Variants in RASA3 observed in about 807,000 individuals in gnomAD.
RASA3 encodes RAS p21 protein activator 3.
RASA3 carries 73 observed loss-of-function variants against 110.0 expected under a neutral mutation model. The observed-to-expected ratio is 0.66, with a 90% CI of 0.55 to 0.81. The LOEUF is 0.81. RASA3 is among the 30% of genes least tolerant of loss of function. RASA3 has a pLI of 0.00. For synonymous variants in RASA3, 500 were observed against 451.4 expected (o/e 1.11, Z -1.37); for missense variants, 976 against 1,113.2 (o/e 0.88, Z 1.75).
At chr13:114,098,280 G>A (rs1427393114) in intron 1 of RASA3, among the ~76,000 whole-genome samples, 2 of 152,196 alleles carry the variant, frequency 1.3e-5, no homozygotes, top group Non-Finnish European at 2.9e-5. Flanking sequence ...CTCTACCCTG[G>A]GGGCAGAGCT....
At chr13:114,055,148 G>A (rs1014921328) in intron 2 of RASA3, among the ~76,000 whole-genome samples, 1 of 152,102 alleles carries the variant, frequency 6.6e-6, no homozygotes, top group African/African-American at 2.4e-5. Context: ...GTGCATGTGT[G>A]TGCCCACAGG....
In RASA3 at chr13:113,996,454, G is replaced by A. The variant is rs140954890; in HGVS notation, c.2141+77C>T. ...GCTTACAGGCAGGCATGCACTGTCT[G>A]CTGGTCCCTCCCTACTCAGCCCCTT... On this transcript the variant is annotated intron_variant, in intron 21 of 23. Coordinates refer to ENST00000334062, the MANE Select transcript of RASA3 (RefSeq NM_007368.4). The A allele has an allele frequency of 3.5e-4, 499 of 1,409,330 alleles. 5 individuals are homozygous for A. The East Asian group carries it at 9.8e-3, about 28-fold the overall frequency. 87.3% of individuals were successfully genotyped at this position (1,409,330 alleles called of 1,614,324 possible).
chr13:114,003,995 C>T (rs1272907782), intron 18 of RASA3, among the ~76,000 whole-genome samples: 1 of 152,190 alleles, frequency 6.6e-6, no homozygotes, highest in East Asian at 1.9e-4. Flanking sequence ...TGTCTAAATG[C>T]TAATTTTTCC....
intron 3 of RASA3, among the ~76,000 whole-genome samples, chr13:114,043,819 G>A (rs1351966665): frequency 7.0e-6 from 1 of 142,438 alleles, no homozygotes; most frequent in African/African-American, 2.6e-5. Context: ...CCTCCGCCTG[G>A]CCCACCTCAC....
intron 4 of RASA3, among the ~76,000 whole-genome samples, chr13:114,039,338 C>G (rs2054346428): frequency 6.8e-6 from 1 of 147,340 alleles, no homozygotes; most frequent in Non-Finnish European, 1.5e-5. Flanking sequence ...GGACGCTGTG[C>G]AGCAACCCTA....
intron 20 of RASA3, among the ~76,000 whole-genome samples, chr13:113,998,275 C>A (rs1000408532): frequency 1.7e-4 from 26 of 152,178 alleles, no homozygotes; most frequent in African/African-American, 5.8e-4. Context: ...CTTCCCAACC[C>A]TTCTCTTCCC....
rs115029471 is a variant in RASA3 at position 114,002,549 on chromosome 13, G to A, written c.1743-1617C>T. Among the ~76,000 whole-genome samples, 1,305 of 152,312 alleles carry A rather than the reference G, an allele frequency of 8.6e-3. 23 individuals carry two copies. The highest frequency in any genetic ancestry group is 0.029 in the African/African-American group (1,225 of 41,564). On this transcript the variant is annotated intron_variant, in intron 18 of 23. Transcript: ENST00000334062. ...CCGGCCTCCTTGAGGGCAACAGGGCGCCTCTGAGAAGACTCTGGACCATGT... is the reference window on the plus strand; with the variant it reads ...CCGGCCTCCTTGAGGGCAACAGGGCACCTCTGAGAAGACTCTGGACCATGT...
Position 114,056,672 on chromosome 13 carries a change from T to C in RASA3, c.174-4517A>G, listed in dbSNP as rs905564946. ...TGGTGCTGACAGCTGTCCGTGGAAA[T>C]TGAGGTGCTTAAAATTCATAAATAA... On this transcript the variant is annotated intron_variant, in intron 2 of 23. Transcript: ENST00000334062. This position sits in a 1 kb window ranked among gnomAD's most constrained non-coding sequence, Gnocchi z 5.7. 19 of 984,804 alleles carry C rather than the reference T, an allele frequency of 1.9e-5. No individual in the cohort carries two copies. Among genetic ancestry groups the C allele is most frequent in the African/African-American group, 8.8e-5 (5 of 57,090 alleles). The allele number at this position is 984,804 out of a possible 1,614,324, so 61.0% of individuals were successfully genotyped here. A position where few individuals can be genotyped will look rare whatever the true frequency, so the allele number is the denominator to read the frequency against.
Position 113,996,598 on chromosome 13 carries a change from G to A in RASA3, c.2074C>T (p.Leu692=). ...CTACAGCACAGCCAGTGGCCGCTCA[G>A]GTAGGCGGACGGGTGGTAGACGGTG... ...RLTVYHPSAY[L]SGHWLCCRAP... Residue 692 remains leucine, a synonymous_variant, in exon 21 of 24, where the codon CTG becomes TTG. Transcript: ENST00000334062. 1 of 1,613,646 alleles carries A rather than the reference G, an allele frequency of 6.2e-7. No individual in the cohort carries two copies. The highest frequency in any genetic ancestry group is 2.2e-5 in the East Asian group (1 of 44,880).
At chr13:114,027,623 A>T (rs1258028959) in intron 6 of RASA3, among the ~76,000 whole-genome samples, 162 bp from the exon 7 acceptor site, 1 of 152,194 alleles carries the variant, frequency 6.6e-6, no homozygotes, top group Non-Finnish European at 1.5e-5. Context: ...CAAATCAGGA[A>T]CCTTTACTCA....
In RASA3 at chr13:114,112,101, C is replaced by T. The variant is rs965027178; in HGVS notation, c.55+20334G>A. Among the ~76,000 whole-genome samples the T allele has an allele frequency of 1.4e-4, 21 of 151,662 alleles. No homozygotes were observed. The highest frequency in any genetic ancestry group is 2.7e-4 in the Non-Finnish European group (18 of 67,876). On this transcript the variant is annotated intron_variant, in intron 1 of 23. Transcript: ENST00000334062. This position sits in a 1 kb window ranked among gnomAD's most constrained non-coding sequence, Gnocchi z 4.8. ...CCTGGAAACAGCAGCCCCCAGGCAC[C>T]CCCCCCAGCAACTGGGACAAGGGCA...
At position 113,981,584 on chromosome 13, in the gene RASA3, C is replaced by G. The variant is rs548753547; in HGVS notation, c.2429+91G>C. The stretch of plus-strand genomic sequence containing the variant: ...AGGCGGACACCTGAGCACGGGCGGC[C>G]CCACCCGGGAGCTCCCTGCAGCCCC... On this transcript the variant is annotated intron_variant, in intron 23 of 23. Coordinates refer to ENST00000334062, the MANE Select transcript of RASA3 (RefSeq NM_007368.4). The G allele has an allele frequency of 2.1e-6, 3 of 1,453,152 alleles. No homozygotes were observed. The East Asian group carries it at 6.9e-5, about 33-fold the overall frequency. 90.0% of individuals were successfully genotyped at this position (1,453,152 alleles called of 1,614,324 possible). A position where few individuals can be genotyped will look rare whatever the true frequency, so the allele number is the denominator to read the frequency against.
intron 19 of RASA3, among the ~76,000 whole-genome samples, chr13:114,000,067 G>T (rs1477471379): frequency 1.3e-4 from 12 of 94,190 alleles, no homozygotes; most frequent in Admixed American, 2.4e-4. Context: ...CTGGGGGGGG[G>T]TCTCTGCCAG....
chr13:114,031,644 T>C (rs1195131574), intron 4 of RASA3, among the ~76,000 whole-genome samples: 3 of 152,118 alleles, frequency 2.0e-5, no homozygotes, highest in Admixed American at 6.5e-5. Context: ...TGTGTGTGTG[T>C]GCGGCTATGT....
At chr13:114,030,241 G>A (rs536176118) in intron 4 of RASA3, among the ~76,000 whole-genome samples, 1 of 152,360 alleles carries the variant, frequency 6.6e-6, no homozygotes, top group East Asian at 1.9e-4. Context: ...TCGTGTGTCC[G>A]TCGGGACAAA....
intron 1 of RASA3, among the ~76,000 whole-genome samples, chr13:114,076,897 G>A (rs73567396): frequency 0.012 from 1,851 of 152,296 alleles, 34 homozygotes; most frequent in African/African-American, 0.043. Context: ...CCTTTACAGT[G>A]TGACCTGACG....
chr13:113,980,733 C>T (rs2052914600), intron 23 of RASA3, among the ~76,000 whole-genome samples: 1 of 152,238 alleles, frequency 6.6e-6, no homozygotes, highest in Admixed American at 6.5e-5. Context: ...GGCTCAGTCC[C>T]CTGAGCAACT....
At chr13:114,023,815 TGA>T (rs1381943590) in intron 8 of RASA3, among the ~76,000 whole-genome samples, 1 of 152,158 alleles carries the variant, frequency 6.6e-6, no homozygotes, top group African/African-American at 2.4e-5. Context: ...GGACGCCAGG[TGA>T]GAGTGTTTCA....
At chr13:114,007,682 G>A (rs1329028924) in intron 17 of RASA3, 76 bp from the exon 18 acceptor site, 9 of 1,246,008 alleles carry the variant, frequency 7.2e-6, no homozygotes, top group Admixed American at 1.7e-5. Context: ...TAACAACAGC[G>A]TCGGCGGCTA....
Sources: gnomAD v4.1 joint callset for allele counts (sites outside exome capture counted in the v4.1 genomes callset) on GRCh38, gnomAD v4.1.1 for gene constraint, Gnocchi (gnomAD v3.1) non-coding constraint, MANE v1.5 for transcripts, NCBI Gene and HGNC (gene_info 2026-07-23, HGNC 2026-07-21) for gene names.